ZZEF1: variants seen among roughly 807,000 people sequenced by gnomAD.
The protein encoded by ZZEF1 is zinc finger ZZ-type and EF-hand domain-containing protein 1.
In ZZEF1, 157 loss-of-function variants were observed where a neutral mutation model predicts 342.8. That is an observed-to-expected ratio of 0.46 (90% CI 0.40 to 0.52). The LOEUF is 0.52. Among genes scored for constraint, ZZEF1 ranks in the 20% least tolerant of loss-of-function variants. The pLI is 0.00. For synonymous variants in ZZEF1, 1,505 were observed against 1,429.1 expected (o/e 1.05, Z -1.20); for missense variants, 3,480 against 3,725.6 (o/e 0.93, Z 1.72).
chr17:4,080,156 G>A (rs1411017850), intron 18 of ZZEF1, among the ~76,000 whole-genome samples: 1 of 152,074 alleles, frequency 6.6e-6, no homozygotes, highest in African/African-American at 2.4e-5. Flanking sequence ...TCTTTTTTCT[G>A]TCAAATATCC....
intron 43 of ZZEF1, among the ~76,000 whole-genome samples, chr17:4,024,481 G>A (rs969658780): frequency 5.9e-5 from 9 of 152,134 alleles, no homozygotes; most frequent in African/African-American, 1.9e-4. Flanking sequence ...TTACTGCTGT[G>A]AGCCACTGTG....
rs1387902459 is a variant in ZZEF1 at position 4,021,116 on chromosome 17, C to T, written c.7404+13G>A. On this transcript the variant is annotated intron_variant, in intron 45 of 54. Coordinates refer to ENST00000381638, the MANE Select transcript of ZZEF1 (RefSeq NM_015113.4). ...AAGCCCCTCCTAAGCCACAAGATGA[C>T]TCAAGAACACACCAAGAAACATATT... is the stretch of plus-strand genomic sequence containing the variant. The T allele has an allele frequency of 1.9e-6, 3 of 1,602,224 alleles. No homozygotes were observed. Among genetic ancestry groups the T allele is most frequent in the South Asian group, 1.1e-5 (1 of 89,382 alleles).
chr17:4,075,309 T>C lies in ZZEF1; in HGVS notation c.3355A>G (p.Thr1119Ala), dbSNP rs766785854. 3 of 1,614,118 alleles carry C rather than the reference T, an allele frequency of 1.9e-6. No individual in the cohort carries two copies. Among genetic ancestry groups the C allele is most frequent in the Non-Finnish European group, 1.7e-6 (2 of 1,180,054 alleles). Residue 1119 changes from threonine (T) to alanine (A), a missense_variant, in exon 22 of 55, where the codon ACC becomes GCC. Thr to Ala is a moderately conservative substitution (Grantham distance 58). Transcript: ENST00000381638. ...TCATCGAATTCCACTTCAAAATAGGTTGCCCCTGGGCTAACAAAGACGGAT... is the reference window on the plus strand; with the variant it reads ...TCATCGAATTCCACTTCAAAATAGGCTGCCCCTGGGCTAACAAAGACGGAT... ...EVSVFVSPGA[T>A]YFEVEFDDRC...
rs1356777922 is a variant in ZZEF1, at chr17:4,015,322, A to T, written c.8146-807T>A. Among the ~76,000 whole-genome samples, 3 of 152,366 alleles carry T rather than the reference A, an allele frequency of 2.0e-5. No individual in the cohort carries two copies. The South Asian group carries it at 6.2e-4, about 32-fold the overall frequency. On this transcript the variant is annotated intron_variant, in intron 49 of 54. Transcript: ENST00000381638. ...AAGAGACTTGGAAGAAAGACAGGTT[A>T]TACTTCTGAAAAACAAAATCTCAGC...
rs775813917 is a variant in ZZEF1, at chr17:4,022,607, T to C, written c.7212+102A>G. 4 of 1,544,568 alleles carry C rather than the reference T, an allele frequency of 2.6e-6. No individual in the cohort carries two copies. The South Asian group carries it at 3.4e-5, about 13-fold the overall frequency. On this transcript the variant is annotated intron_variant, in intron 44 of 54. Coordinates refer to ENST00000381638, the MANE Select transcript of ZZEF1 (RefSeq NM_015113.4). ...AGTTTTCAACACTGTACTAAAGGAG[T>C]GTGCACAGGGCAGAAGCAGCTGGAA...
intron 1 of ZZEF1, among the ~76,000 whole-genome samples, chr17:4,125,744 AAAG>A (rs1382079695): frequency 2.0e-5 from 3 of 152,216 alleles, no homozygotes; most frequent in African/African-American, 7.2e-5. Flanking sequence ...ACCATGACAG[AAAG>A]AAGACTAGAA....
chr17:4,009,038 G>A (rs960547229), intron 53 of ZZEF1, 84 bp from the exon 54 acceptor site: 6 of 1,462,982 alleles, frequency 4.1e-6, no homozygotes, highest in African/African-American at 1.4e-5. Context: ...ACCTGCTTGC[G>A]AAAGCAGAAG....
chr17:4,064,065 G>C (rs8066146), intron 29 of ZZEF1, among the ~76,000 whole-genome samples: 52 of 126,258 alleles, frequency 4.1e-4, no homozygotes, highest in Middle Eastern at 3.9e-3. Flanking sequence ...GTAGATGGAG[G>C]GGGGGGGGTC....
At chr17:4,045,913 C>T (rs893579198) in intron 37 of ZZEF1, among the ~76,000 whole-genome samples, 4 of 151,616 alleles carry the variant, frequency 2.6e-5, no homozygotes, top group South Asian at 2.1e-4. Flanking sequence ...CTGCAAGCTC[C>T]GCCTCCCAGG....
chr17:4,120,863 G>A (rs568141360), intron 2 of ZZEF1, among the ~76,000 whole-genome samples: 1 of 152,294 alleles, frequency 6.6e-6, no homozygotes, highest in East Asian at 1.9e-4. Flanking sequence ...TTAGCCTTCA[G>A]TAAATGAATT....
At chr17:4,032,334 C>G in intron 41 of ZZEF1, 76 bp from the exon 42 acceptor site, 1 of 1,504,240 alleles carries the variant, frequency 6.6e-7, no homozygotes, top group Non-Finnish European at 9.0e-7. Context: ...ATAAGCCCAG[C>G]CCCCTTTGAT....
In ZZEF1 at chr17:4,014,568, A is replaced by G; in HGVS notation, c.8146-53T>C. The G allele has an allele frequency of 6.3e-7, 1 of 1,586,290 alleles. No homozygotes were observed. The highest frequency in any genetic ancestry group is 8.6e-7 in the Non-Finnish European group (1 of 1,157,292). On this transcript the variant is annotated intron_variant, in intron 49 of 54. Coordinates refer to ENST00000381638, the MANE Select transcript of ZZEF1 (RefSeq NM_015113.4). The surrounding 1 kb of genome is among the most constrained non-coding windows in gnomAD (Gnocchi z 4.4). ...TGTCGATGCTGCTCACTAGACACTG[A>G]CTGCAGCTGTCCCATGCCGAGTCCT...
At chr17:4,050,688 C>A in intron 36 of ZZEF1, 93 bp downstream of exon 36, 1 of 1,564,554 alleles carries the variant, frequency 6.4e-7, no homozygotes, top group Non-Finnish European at 8.7e-7. Context: ...GATGTTGCCA[C>A]CTGTAAACTA....
chr17:4,016,668 G>C lies in ZZEF1; in HGVS notation c.8002-202C>G, dbSNP rs949561766. 1.8e-6 allele frequency: 1 copy of C among 559,168 alleles called. No individual in the cohort carries two copies. Among genetic ancestry groups the C allele is most frequent in the Non-Finnish European group, 3.1e-6 (1 of 319,594 alleles). The allele number at this position is 559,168 out of a possible 1,614,324, so 34.6% of individuals were successfully genotyped here. A position where few individuals can be genotyped will look rare whatever the true frequency, so the allele number is the denominator to read the frequency against. ...TCTTGGTGTCAATCAGGACACTGCAGTCCTTTCAGAATGATGCTACTTAGA... is the reference window on the plus strand; with the variant it reads ...TCTTGGTGTCAATCAGGACACTGCACTCCTTTCAGAATGATGCTACTTAGA... On this transcript the variant is annotated intron_variant, in intron 48 of 54. Coordinates refer to ENST00000381638, the MANE Select transcript of ZZEF1 (RefSeq NM_015113.4). The surrounding 1 kb of genome is among the most constrained non-coding windows in gnomAD (Gnocchi z 4.4).
intron 52 of ZZEF1, among the ~76,000 whole-genome samples, chr17:4,010,839 A>G (rs2055933321): frequency 6.6e-6 from 1 of 152,202 alleles, no homozygotes; most frequent in African/African-American, 2.4e-5. Flanking sequence ...AAGAAAAACA[A>G]CAGTAAACAG....
Position 4,021,288 on chromosome 17 carries a change from C to G in ZZEF1, c.7245G>C (p.Lys2415Asn), listed in dbSNP as rs534948253. Residue 2415 changes from lysine to asparagine, a missense_variant, in exon 45 of 55, where the codon AAG (lysine) becomes AAC (asparagine). By Grantham distance (94) the Lys-to-Asn change is moderately conservative (BLOSUM62 0). Transcript: ENST00000381638. The stretch of plus-strand genomic sequence containing the variant: ...CGTGCTCAGCCAAAGCGTTGATCTC[C>G]TTTTTTGAGGAGTACAGCATGATGG... ...ILSIMLYSSK[K>N]EINALAEHGD... 1.9e-6 allele frequency: 3 copies of G among 1,613,814 alleles called. No individual in the cohort carries two copies. The highest frequency in any genetic ancestry group is 2.5e-6 in the Non-Finnish European group (3 of 1,179,888).
intron 36 of ZZEF1, among the ~76,000 whole-genome samples, chr17:4,050,088 T>C (rs1483206216): frequency 6.6e-6 from 1 of 152,218 alleles, no homozygotes; most frequent in Non-Finnish European, 1.5e-5. Flanking sequence ...TTATACTTTA[T>C]TAACAACAGA....
chr17:4,038,919 T>C (rs1050794594), intron 39 of ZZEF1, among the ~76,000 whole-genome samples: 2 of 152,138 alleles, frequency 1.3e-5, no homozygotes, highest in Admixed American at 6.6e-5. Flanking sequence ...AACTAACCTA[T>C]GGTGACAGAG....
Position 4,052,064 on chromosome 17 carries a change from T to C in ZZEF1, c.5507A>G (p.Gln1836Arg), listed in dbSNP as rs1269682843. ...CATCCTCCGGCCTATGATCAAACCC[T>C]GGCAGTGGTCACAGGTAAACTCCAT... is the stretch of plus-strand genomic sequence containing the variant. Reference protein sequence around the residue: ...VNMEFTCDHCQGLIIGRRMNC... With the variant: ...VNMEFTCDHCRGLIIGRRMNC... Residue 1836 changes from glutamine (Q) to arginine (R), a missense_variant, in exon 35 of 55, where the codon CAG becomes CGG. By Grantham distance (43) the Gln-to-Arg change is conservative. Around this residue, in one of 5 missense-constraint regions of ZZEF1, gnomAD observed 175 missense variants for 254.6 expected, o/e 0.69. Coordinates refer to ENST00000381638, the MANE Select transcript of ZZEF1 (RefSeq NM_015113.4). The C allele has an allele frequency of 1.2e-6, 2 of 1,614,164 alleles. No individual in the cohort carries two copies. Among genetic ancestry groups the C allele is most frequent in the Admixed American group, 3.3e-5 (2 of 60,016 alleles).
Sources: gnomAD v4.1 joint callset for allele counts (sites outside exome capture counted in the v4.1 genomes callset) on GRCh38, gnomAD v4.1.1 for gene constraint, gnomAD v4.1.1 regional missense constraint, Gnocchi (gnomAD v3.1) non-coding constraint, MANE v1.5 for transcripts, NCBI Gene and HGNC (gene_info 2026-07-23, HGNC 2026-07-21) for gene names.